Variants in RSRC1 observed in about 807,000 individuals in gnomAD.
RSRC1 encodes serine/Arginine-related protein 53.
Under a neutral mutation model 49.1 loss-of-function variants are expected in RSRC1, and 39 were observed. The ratio of observed to expected loss-of-function variants is 0.79; its 90% confidence interval spans 0.61 to 1.04. The LOEUF is 1.04. RSRC1 is among the 50% of genes least tolerant of loss of function. RSRC1 has a pLI of 0.00. For missense variants in RSRC1, 388 were observed against 402.4 expected (o/e 0.96, Z 0.31); for synonymous variants, 143 against 130.8 (o/e 1.09, Z -0.63).
intron 4 of RSRC1, among the ~76,000 whole-genome samples, chr3:158,258,208 C>CTTTT (rs71144451): frequency 4.6e-5 from 3 of 65,766 alleles, no homozygotes; most frequent in African/African-American, 1.2e-4. Flanking sequence ...TCCTTTTAAC[C>CTTTT]TTTTTTTTTT....
At chr3:158,413,266 T>G (rs1202972511) in intron 6 of RSRC1, among the ~76,000 whole-genome samples, 1 of 152,154 alleles carries the variant, frequency 6.6e-6, no homozygotes, top group Non-Finnish European at 1.5e-5. Flanking sequence ...TAAATGATCC[T>G]GGGAAAACTG....
At chr3:158,299,320 TTTTA>T (rs1283677025) in intron 5 of RSRC1, among the ~76,000 whole-genome samples, 7 of 151,780 alleles carry the variant, frequency 4.6e-5, no homozygotes, top group African/African-American at 1.7e-4. Flanking sequence ...TATTTTTTAT[TTTTA>T]TTTATTTATT....
intron 4 of RSRC1, among the ~76,000 whole-genome samples, chr3:158,242,994 T>C (rs1723679113): frequency 6.6e-6 from 1 of 152,220 alleles, no homozygotes; most frequent in African/African-American, 2.4e-5. Context: ...TCCCATTCTG[T>C]AGGTTGTCTG....
intron 3 of RSRC1, among the ~76,000 whole-genome samples, chr3:158,197,021 G>A (rs141971149): frequency 0.077 from 11,684 of 152,194 alleles, 547 homozygotes; most frequent in South Asian, 0.13. Context: ...CTCATAAAAC[G>A]AGTTAGGGAT....
At chr3:158,381,485 T>C (rs1192972004) in intron 6 of RSRC1, among the ~76,000 whole-genome samples, 1 of 152,200 alleles carries the variant, frequency 6.6e-6, no homozygotes, top group East Asian at 1.9e-4. Context: ...CATTTATCAT[T>C]GTGTGAACAT....
In RSRC1 at chr3:158,133,744, G is replaced by A. The variant is rs747498833; in HGVS notation, c.320+9753G>A. ...ATTTCCTAATTTGATCATATTAGAT[G>A]CTGATGTGGAAGAAGCATTTCAAAT... is the stretch of plus-strand genomic sequence containing the variant. On this transcript the variant is annotated intron_variant, in intron 3 of 9. Coordinates refer to ENST00000611884, the MANE Select transcript of RSRC1 (RefSeq NM_001271838.2). Among the ~76,000 whole-genome samples, 219 of 152,274 alleles carry A rather than the reference G, an allele frequency of 1.4e-3. 3 individuals carry two copies. Among genetic ancestry groups the A allele is most frequent in the Non-Finnish European group, 2.3e-3 (158 of 68,008 alleles).
At chr3:158,487,713 G>T (rs1041275613) in intron 7 of RSRC1, among the ~76,000 whole-genome samples, 2 of 151,960 alleles carry the variant, frequency 1.3e-5, no homozygotes, top group Non-Finnish European at 2.9e-5. Flanking sequence ...ACTTTGGGAG[G>T]CTGAGGTGGG....
intron 7 of RSRC1, among the ~76,000 whole-genome samples, chr3:158,470,371 T>C (rs992888245): frequency 0.01 from 1,523 of 147,698 alleles, 33 homozygotes; most frequent in African/African-American, 0.036. Context: ...CATATATATA[T>C]ATATATATAA....
chr3:158,482,981 A>C (rs1738676045), intron 7 of RSRC1, among the ~76,000 whole-genome samples: 1 of 151,966 alleles, frequency 6.6e-6, no homozygotes, highest in South Asian at 2.1e-4. Context: ...CTTGTCATGA[A>C]TACAAATGGA....
chr3:158,290,129 T>C (rs1726837409), intron 4 of RSRC1, among the ~76,000 whole-genome samples: 1 of 152,180 alleles, frequency 6.6e-6, no homozygotes, highest in Non-Finnish European at 1.5e-5. Context: ...TGAACCAGTA[T>C]TTACTGAGTG....
chr3:158,514,263 A>G (rs1164124160), intron 7 of RSRC1, among the ~76,000 whole-genome samples: 2 of 152,076 alleles, frequency 1.3e-5, no homozygotes, highest in Non-Finnish European at 2.9e-5. Flanking sequence ...TAGTGCTGTA[A>G]ATTTCCCTCT....
chr3:158,396,670 T>C (rs1733629021), intron 6 of RSRC1, among the ~76,000 whole-genome samples: 1 of 152,100 alleles, frequency 6.6e-6, no homozygotes, highest in African/African-American at 2.4e-5. Context: ...AGTGCCGTGG[T>C]ATGAGTAGGA....
chr3:158,152,676 G>A (rs1408526539), intron 3 of RSRC1, among the ~76,000 whole-genome samples: 1 of 152,142 alleles, frequency 6.6e-6, no homozygotes, highest in Non-Finnish European at 1.5e-5. Flanking sequence ...GTTGCCTAAA[G>A]TGAGATACAT....
rs141967589 is a variant in RSRC1 at position 158,161,242 on chromosome 3, G to A, written c.320+37251G>A. Among the ~76,000 whole-genome samples the A allele has an allele frequency of 2.7e-3, 409 of 152,186 alleles. 1 individual carries two copies. Among genetic ancestry groups the A allele is most frequent in the African/African-American group, 9.6e-3 (398 of 41,536 alleles). Reference sequence around the variant, plus strand: ...TCTTCTGATCTATGCTGGGCTCCTTGGGTTTGTCTCCAAGTTGGGTGTTGA... The same window carrying A: ...TCTTCTGATCTATGCTGGGCTCCTTAGGTTTGTCTCCAAGTTGGGTGTTGA... On this transcript the variant is annotated intron_variant, in intron 3 of 9. Coordinates refer to ENST00000611884, the MANE Select transcript of RSRC1 (RefSeq NM_001271838.2).
chr3:158,279,236 T>C (rs1245606003), intron 4 of RSRC1, among the ~76,000 whole-genome samples: 3 of 152,254 alleles, frequency 2.0e-5, no homozygotes, highest in African/African-American at 4.8e-5. Context: ...GAGAGTGCCA[T>C]CCGTGATTTC....
chr3:158,173,094 GATT>G (rs1362232763), intron 3 of RSRC1, among the ~76,000 whole-genome samples: 2 of 151,828 alleles, frequency 1.3e-5, no homozygotes, highest in African/African-American at 4.8e-5. Context: ...TTATATCTGT[GATT>G]ATTTACATAT....
At chr3:158,348,606 G>A (rs1362317841) in intron 5 of RSRC1, among the ~76,000 whole-genome samples, 2 of 151,742 alleles carry the variant, frequency 1.3e-5, no homozygotes, top group Non-Finnish European at 2.9e-5. Flanking sequence ...TTTAGAGTTT[G>A]GGGATACATG....
At chr3:158,168,066 T>C (rs1718644313) in intron 3 of RSRC1, among the ~76,000 whole-genome samples, 1 of 152,084 alleles carries the variant, frequency 6.6e-6, no homozygotes, top group Non-Finnish European at 1.5e-5. Flanking sequence ...TTTATGCCTG[T>C]TTTTGTAAAT....
chr3:158,129,634 C>T (rs1425793876), intron 3 of RSRC1, among the ~76,000 whole-genome samples: 7 of 152,076 alleles, frequency 4.6e-5, no homozygotes, highest in East Asian at 1.9e-4. Context: ...GTACCTCTGT[C>T]GAAAACCAGC....
Sources: gnomAD v4.1 joint callset for allele counts (sites outside exome capture counted in the v4.1 genomes callset) on GRCh38, gnomAD v4.1.1 for gene constraint, MANE v1.5 for transcripts, NCBI Gene and HGNC (gene_info 2026-07-23, HGNC 2026-07-21) for gene names.